Variants in RALA observed in about 807,000 individuals in gnomAD.
RALA encodes ras-related protein Ral-A.
RALA carries 5 observed loss-of-function variants against 24.0 expected under a neutral mutation model. The ratio of observed to expected loss-of-function variants is 0.21; its 90% confidence interval spans 0.11 to 0.44. The LOEUF is 0.44. Among genes scored for constraint, RALA ranks in the 20% least tolerant of loss-of-function variants. RALA has a pLI of 0.99. For synonymous variants in RALA, 77 were observed against 83.8 expected, an observed-to-expected ratio of 0.92 and a Z score of 0.44; for missense variants, 95 against 241.2, an observed-to-expected ratio of 0.39 and a Z score of 4.01.
chr7:39,680,897 C>T (rs1792584108), intron 1 of RALA, among the ~76,000 whole-genome samples: 1 of 152,128 alleles, frequency 6.6e-6, no homozygotes, highest in African/African-American at 2.4e-5. Context: ...ATTCCGGCTC[C>T]CTCGCAAAAT....
At chr7:39,624,222 C>G (rs912775861) in intron 1 of RALA, 4 of 152,244 alleles carry the variant, frequency 2.6e-5, no homozygotes, top group Admixed American at 2.6e-4. Context: ...CCCTCCTTCC[C>G]TTTCTTTCCA....
chr7:39,660,000 C>T (rs1031927072), intron 1 of RALA, among the ~76,000 whole-genome samples: 2 of 152,102 alleles, frequency 1.3e-5, no homozygotes, highest in African/African-American at 4.8e-5. Flanking sequence ...GGCTGGGAGT[C>T]TGAATCTGTC....
intron 4 of RALA, among the ~76,000 whole-genome samples, chr7:39,702,513 AT>A (rs1378994952): frequency 6.6e-6 from 1 of 152,246 alleles, no homozygotes; most frequent in East Asian, 1.9e-4. Flanking sequence ...ACCACAAAGT[AT>A]TCCATGGTTA....
intron 1 of RALA, among the ~76,000 whole-genome samples, chr7:39,681,602 C>T (rs929538548): frequency 6.6e-6 from 1 of 152,088 alleles, no homozygotes; most frequent in African/African-American, 2.4e-5. Flanking sequence ...GGATTTAAGT[C>T]AGCCAGCCTC....
chr7:39,707,944 A>G lies in RALA; in HGVS notation c.*1699A>G, dbSNP rs1323612300. 2.6e-5 allele frequency: 4 copies of G among 152,654 alleles called. No individual in the cohort carries two copies. The highest frequency in any genetic ancestry group is 5.9e-5 in the Non-Finnish European group (4 of 68,050). 9.5% of individuals were successfully genotyped at this position (152,654 alleles called of 1,614,324 possible). ...GTACTTATTACAGTCTTATTTAACC[A>G]GGGGTCCTAACCACTAACATTGTGA... On this transcript the variant is annotated 3_prime_UTR_variant, in exon 5 of 5. Transcript: ENST00000005257.
intron 1 of RALA, among the ~76,000 whole-genome samples, chr7:39,671,157 C>A (rs1792376182): frequency 6.6e-6 from 1 of 152,144 alleles, no homozygotes; most frequent in South Asian, 2.1e-4. Context: ...TCCACCTGTT[C>A]TTCCTGCCTT....
chr7:39,684,577 C>T (rs1034273370), intron 1 of RALA, among the ~76,000 whole-genome samples: 12 of 151,966 alleles, frequency 7.9e-5, no homozygotes, highest in African/African-American at 2.9e-4. Flanking sequence ...GTGATTGAAC[C>T]TCTAGTAGCA....
chr7:39,686,904 A>G, intron 2 of RALA, 123 bp downstream of exon 2: 1 of 721,580 alleles, frequency 1.4e-6, no homozygotes, highest in Non-Finnish European at 2.2e-6. Flanking sequence ...TTTTTTTTTC[A>G]TTTTTGTGTT....
At chr7:39,647,888 T>A (rs750026494) in intron 1 of RALA, among the ~76,000 whole-genome samples, 25 of 152,184 alleles carry the variant, frequency 1.6e-4, no homozygotes, top group Non-Finnish European at 3.4e-4. Context: ...AGAATGAAAA[T>A]TTCTTCCTGC....
At chr7:39,685,425 G>A (rs1054210057) in intron 1 of RALA, among the ~76,000 whole-genome samples, 2 of 152,212 alleles carry the variant, frequency 1.3e-5, no homozygotes, top group African/African-American at 4.8e-5. Flanking sequence ...AGCTGTTTGT[G>A]TCCGAAACAA....
chr7:39,700,926 G>C (rs187433073), intron 4 of RALA: 1 of 152,282 alleles, frequency 6.6e-6, no homozygotes, highest in Non-Finnish European at 1.5e-5. Flanking sequence ...CCAGAATTAG[G>C]TTATACTTGT....
intron 1 of RALA, among the ~76,000 whole-genome samples, chr7:39,662,758 G>C (rs558430067): frequency 4.6e-5 from 7 of 152,184 alleles, no homozygotes; most frequent in Non-Finnish European, 8.8e-5. Context: ...GAGCCCTCCA[G>C]ACTGTTCCAA....
intron 1 of RALA, among the ~76,000 whole-genome samples, chr7:39,667,396 C>T (rs1792303351): frequency 6.6e-6 from 1 of 152,160 alleles, no homozygotes; most frequent in African/African-American, 2.4e-5. Flanking sequence ...TCTGTAATAG[C>T]ACTGAGAATG....
intron 1 of RALA, among the ~76,000 whole-genome samples, chr7:39,643,185 A>G (rs1047540179): frequency 5.3e-5 from 8 of 152,262 alleles, no homozygotes; most frequent in Non-Finnish European, 1.0e-4. Context: ...AGTAAAGTTC[A>G]AACAAAGAAC....
chr7:39,628,320 A>G (rs1303436822), intron 1 of RALA, among the ~76,000 whole-genome samples: 3 of 151,276 alleles, frequency 2.0e-5, no homozygotes, highest in Non-Finnish European at 4.4e-5. Flanking sequence ...TGGAGAGAGT[A>G]CTTTCATTAG....
Position 39,690,525 on chromosome 7 carries a change from G to C in RALA, c.258G>C (p.Gly86=). The C allele has an allele frequency of 6.2e-7, 1 of 1,614,014 alleles. No homozygotes were observed. The change falls in exon 3 of 5, where the codon GGG becomes GGC. Residue 86 remains glycine (G), a synonymous_variant. Coordinates refer to ENST00000005257, the MANE Select transcript of RALA (RefSeq NM_005402.4). ...TTAGAGACAACTACTTCCGAAGTGG[G>C]GAGGGGTTCCTCTGTGTTTTCTCTA... The part of the protein sequence containing the change: ...AAIRDNYFRS[G]EGFLCVFSIT...
chr7:39,660,714 T>C (rs964842627), intron 1 of RALA, among the ~76,000 whole-genome samples: 1 of 152,058 alleles, frequency 6.6e-6, no homozygotes, highest in Non-Finnish European at 1.5e-5. Flanking sequence ...ATATTGGAAA[T>C]TTTTTTACAG....
chr7:39,657,077 C>T (rs1448707388), intron 1 of RALA, among the ~76,000 whole-genome samples: 2 of 152,156 alleles, frequency 1.3e-5, no homozygotes, highest in Admixed American at 1.3e-4. Flanking sequence ...AAGCGATTCT[C>T]CCGTTCAGTC....
intron 1 of RALA, among the ~76,000 whole-genome samples, chr7:39,635,768 T>C (rs1791676062): frequency 6.6e-6 from 1 of 152,202 alleles, no homozygotes; most frequent in Admixed American, 6.5e-5. Context: ...GAGAATCTAA[T>C]GCCACCACTG....
Sources: gnomAD v4.1 joint callset for allele counts (sites outside exome capture counted in the v4.1 genomes callset) on GRCh38, gnomAD v4.1.1 for gene constraint, MANE v1.5 for transcripts, NCBI Gene and HGNC (gene_info 2026-07-23, HGNC 2026-07-21) for gene names.